IL1RAPL1: variants seen among roughly 807,000 people sequenced by gnomAD.
IL1RAPL1 encodes the protein interleukin 1 receptor accessory protein like 1, also known as interleukin-1 receptor accessory protein-like 1.
A neutral mutation model predicts 48.4 loss-of-function variants in IL1RAPL1; 3 were observed. That is an observed-to-expected ratio of 0.06 (90% CI 0.03 to 0.16). The LOEUF is 0.16. IL1RAPL1 is among the 10% of genes least tolerant of loss of function. IL1RAPL1 has a pLI of 1.00. For synonymous variants in IL1RAPL1, 185 were observed against 187.7 expected (o/e 0.99, Z 0.12); for missense variants, 349 against 530.6 (o/e 0.66, Z 3.36).
chrX:29,359,578 G>T (rs1199277277), intron 3 of IL1RAPL1, among the ~76,000 whole-genome samples: 2 of 111,622 alleles, frequency 1.8e-5, no homozygotes, highest in Admixed American at 9.6e-5. Flanking sequence ...ATGGTTTTTT[G>T]TGTGTATTTT....
intron 2 of IL1RAPL1, among the ~76,000 whole-genome samples, chrX:29,126,869 C>G (rs1238952240): frequency 9.0e-6 from 1 of 111,671 alleles, no homozygotes; most frequent in Non-Finnish European, 1.9e-5. Flanking sequence ...AGGCACATTA[C>G]AAATATCCAG....
rs371045406 is a variant in IL1RAPL1, at chrX:29,240,223, TA to T, written c.83-42714del. On this transcript the variant is annotated intron_variant, in intron 2 of 10. Transcript: ENST00000378993. ...ATATATATATATATATATATATATATATTTTTTTTTTTTTTTTTTTTTTTTT... is the reference window on the plus strand; with the variant it reads ...ATATATATATATATATATATATATATTTTTTTTTTTTTTTTTTTTTTTTTT... 6.1e-3 allele frequency among the ~76,000 whole-genome samples: 132 copies of T among 21,716 alleles called. 1 individual carries two copies. The highest frequency in any genetic ancestry group is 8.0e-3 in the South Asian group (3 of 374). The allele number at this position is 21,716 out of a possible 115,157, so 18.9% of individuals were successfully genotyped here. A position where few individuals can be genotyped will look rare whatever the true frequency, so the allele number is the denominator to read the frequency against.
At chrX:28,741,942 C>T in intron 1 of IL1RAPL1, among the ~76,000 whole-genome samples, 1 of 111,468 alleles carries the variant, frequency 9.0e-6, no homozygotes, top group South Asian at 3.7e-4. Context: ...ACTTCTTAAG[C>T]AGGGGATTTA....
chrX:29,917,681 T>G, intron 7 of IL1RAPL1, 85 bp downstream of exon 7: 1 of 789,385 alleles, frequency 1.3e-6, no homozygotes, highest in South Asian at 2.4e-5. Context: ...AGGATTTTTT[T>G]TTGTTTTACT....
intron 6 of IL1RAPL1, among the ~76,000 whole-genome samples, chrX:29,717,043 T>C (rs1403203622): frequency 9.0e-6 from 1 of 111,283 alleles, no homozygotes; most frequent in Non-Finnish European, 1.9e-5. Flanking sequence ...AAGAGAAATA[T>C]AAAATCTTAA....
At chrX:29,917,355 G>C (rs896568535) in intron 6 of IL1RAPL1, 109 bp from the exon 7 acceptor site, 9 of 696,912 alleles carry the variant, frequency 1.3e-5, no homozygotes, top group Non-Finnish European at 1.9e-5. Context: ...CTTTTAGAAA[G>C]ATATTTTATT....
intron 2 of IL1RAPL1, among the ~76,000 whole-genome samples, chrX:28,877,155 A>G (rs1404557476): frequency 1.8e-5 from 2 of 112,472 alleles, no homozygotes; most frequent in East Asian, 2.8e-4. Flanking sequence ...GTGAGGCCCA[A>G]GCATCTATAT....
At chrX:29,365,810 G>A (rs1018990650) in intron 3 of IL1RAPL1, among the ~76,000 whole-genome samples, 1 of 110,836 alleles carries the variant, frequency 9.0e-6, no homozygotes, top group Non-Finnish European at 1.9e-5. Flanking sequence ...AGGCCGAGGC[G>A]GGTGGATCAC....
At chrX:29,840,872 TCA>T (rs1931123085) in intron 6 of IL1RAPL1, among the ~76,000 whole-genome samples, 1 of 112,118 alleles carries the variant, frequency 8.9e-6, no homozygotes, top group Non-Finnish European at 1.9e-5. Context: ...ATTGATTATA[TCA>T]CAATATTCTC....
intron 6 of IL1RAPL1, among the ~76,000 whole-genome samples, chrX:29,793,397 A>C (rs1311122930): frequency 8.9e-6 from 1 of 112,287 alleles, no homozygotes; most frequent in African/African-American, 3.2e-5. Context: ...TCAAGAGACC[A>C]CCTATTCTTT....
intron 5 of IL1RAPL1, among the ~76,000 whole-genome samples, chrX:29,450,029 G>A (rs1228028810): frequency 9.1e-6 from 1 of 110,472 alleles, no homozygotes; most frequent in Non-Finnish European, 1.9e-5. Context: ...GATAATATCA[G>A]CACTTTTACT....
intron 5 of IL1RAPL1, among the ~76,000 whole-genome samples, chrX:29,477,673 G>A (rs12007498): frequency 0.086 from 9,569 of 111,545 alleles, 647 homozygotes; most frequent in African/African-American, 0.23. Context: ...CCATTTTATA[G>A]AAGAGAAACT....
chrX:28,756,997 A>G lies in IL1RAPL1; in HGVS notation c.-24-32323A>G, dbSNP rs1348062714. On this transcript the variant is annotated intron_variant, in intron 1 of 10. Coordinates refer to ENST00000378993, the MANE Select transcript of IL1RAPL1 (RefSeq NM_014271.4). ...CTATCTTATAGAATCATTGAGAAGAACAAATGAAAGAAGGTACTTTGCACA... is the reference window on the plus strand; with the variant it reads ...CTATCTTATAGAATCATTGAGAAGAGCAAATGAAAGAAGGTACTTTGCACA... Among the ~76,000 whole-genome samples, 5 of 112,447 alleles carry G rather than the reference A, an allele frequency of 4.4e-5. No homozygotes were observed. In the East Asian group the frequency reaches 8.4e-4, roughly 19 times the overall value.
In IL1RAPL1 at chrX:29,524,105, G is replaced by A. The variant is rs188020880; in HGVS notation, c.703+124797G>A. Among the ~76,000 whole-genome samples, 241 of 108,417 alleles carry A rather than the reference G, an allele frequency of 2.2e-3. 2 individuals are homozygous for A. Among genetic ancestry groups the A allele is most frequent in the African/African-American group, 7.9e-3 (234 of 29,805 alleles). The allele number at this position is 108,417 out of a possible 115,157, so 94.1% of individuals were successfully genotyped here. ...AACAATCAAGTCACCATTAAAATGT[G>A]TAGTTTTCTGAGTGTTTCCAAGTAT... is the stretch of plus-strand genomic sequence containing the variant. On this transcript the variant is annotated intron_variant, in intron 5 of 10. Transcript: ENST00000378993.
chrX:29,404,216 A>G (rs1354173855), intron 5 of IL1RAPL1, among the ~76,000 whole-genome samples: 1 of 112,144 alleles, frequency 8.9e-6, no homozygotes, highest in East Asian at 2.8e-4. Flanking sequence ...TCATATGTTC[A>G]GCCCTTCTTT....
At chrX:29,248,041 G>A (rs1931546664) in intron 2 of IL1RAPL1, among the ~76,000 whole-genome samples, 1 of 111,721 alleles carries the variant, frequency 9.0e-6, no homozygotes, top group Non-Finnish European at 1.9e-5. Context: ...AAGAACTATG[G>A]TGGAGTCTGA....
At chrX:29,204,466 T>C (rs956676188) in intron 2 of IL1RAPL1, among the ~76,000 whole-genome samples, 12 of 111,385 alleles carry the variant, frequency 1.1e-4, no homozygotes, top group African/African-American at 3.9e-4. Context: ...TCCCTGATAA[T>C]TAGTGATGCT....
intron 6 of IL1RAPL1, among the ~76,000 whole-genome samples, chrX:29,846,778 G>GTATATATATGTA (rs1555926601): frequency 1.4e-5 from 1 of 74,059 alleles, no homozygotes; most frequent in Admixed American, 1.5e-4. Flanking sequence ...ACATATATAT[G>GTATATATATGTA]TATATATGTA....
At chrX:29,091,664 A>G (rs1928094452) in intron 2 of IL1RAPL1, among the ~76,000 whole-genome samples, 1 of 111,507 alleles carries the variant, frequency 9.0e-6, no homozygotes, top group Non-Finnish European at 1.9e-5. Context: ...AGATTTAAAA[A>G]TAAATACATG....
Sources: gnomAD v4.1 joint callset for allele counts (sites outside exome capture counted in the v4.1 genomes callset) on GRCh38, gnomAD v4.1.1 for gene constraint, MANE v1.5 for transcripts, NCBI Gene and HGNC (gene_info 2026-07-23, HGNC 2026-07-21) for gene names.